Variants in TLN2 observed in about 807,000 individuals in gnomAD.
TLN2 encodes the protein talin 2.
Under a neutral mutation model 294.7 loss-of-function variants are expected in TLN2, and 118 were observed. The ratio of observed to expected loss-of-function variants is 0.40; its 90% CI spans 0.34 to 0.47. The LOEUF (loss-of-function observed/expected upper bound fraction) is 0.47. TLN2 is among the 20% of genes least tolerant of loss of function. TLN2 has a pLI of 0.84. For synonymous variants in TLN2, 1,431 were observed against 1,304.5 expected (o/e 1.10, Z -2.09); for missense variants, 3,083 against 3,282.2 (o/e 0.94, Z 1.48).
chr15:62,396,674 GA>G (rs1156539857), intron 1 of TLN2, among the ~76,000 whole-genome samples: 1 of 151,756 alleles, frequency 6.6e-6, no homozygotes, highest in African/African-American at 2.4e-5. Context: ...ACTGAAGGAA[GA>G]CCAACAGTGC....
chr15:62,439,019 A>G (rs1161869117), intron 1 of TLN2, among the ~76,000 whole-genome samples: 1 of 152,238 alleles, frequency 6.6e-6, no homozygotes, highest in Non-Finnish European at 1.5e-5. Context: ...TTAAAAGCTA[A>G]TTAGGGAAAA....
At chr15:62,521,397 G>A (rs1273932008) in intron 1 of TLN2, among the ~76,000 whole-genome samples, 1 of 152,304 alleles carries the variant, frequency 6.6e-6, no homozygotes, top group East Asian at 1.9e-4. Context: ...TGATATGAGT[G>A]ACCATGGCCT....
In TLN2 at chr15:62,819,511, T is replaced by G. The variant is rs771260661; in HGVS notation, c.6772-5T>G. ...TCATGCCTCTGACTTGTTCTTCACCTGTAGATTCTTCAGAAACCAACCCCA... is the reference window on the plus strand; with the variant it reads ...TCATGCCTCTGACTTGTTCTTCACCGGTAGATTCTTCAGAAACCAACCCCA... On this transcript the variant is annotated splice_polypyrimidine_tract_variant and splice_region_variant and intron_variant, in intron 52 of 58. Coordinates refer to ENST00000636159, the MANE Select transcript of TLN2 (RefSeq NM_015059.3). 4 of 1,613,232 alleles carry G rather than the reference T, an allele frequency of 2.5e-6. No homozygotes were observed. Among genetic ancestry groups the G allele is most frequent in the Admixed American group, 3.3e-5 (2 of 60,028 alleles).
At position 62,841,021 on chromosome 15, in the gene TLN2, C is replaced by T. The variant is rs1028577428; in HGVS notation, c.*411C>T. On this transcript the variant is annotated 3_prime_UTR_variant, in exon 59 of 59. Transcript: ENST00000636159. ...ATCATTGACGTCATAGAATATTCTT[C>T]TTCCTCTCAGGAGAAGACGGAAGCT... is the stretch of plus-strand genomic sequence containing the variant. 6.5e-6 allele frequency: 1 copy of T among 154,916 alleles called. No homozygotes were observed. The highest frequency in any genetic ancestry group is 6.5e-5 in the Admixed American group (1 of 15,368). 9.6% of individuals were successfully genotyped at this position (154,916 alleles called of 1,614,324 possible). A position where few individuals can be genotyped will look rare whatever the true frequency, so the allele number is the denominator to read the frequency against.
chr15:62,649,889 G>A, intron 4 of TLN2, 195 bp from the exon 5 acceptor site: 1 of 541,102 alleles, frequency 1.8e-6, no homozygotes, highest in Non-Finnish European at 3.3e-6. Context: ...TGTGGGTGTT[G>A]CTTCTGCAAC....
chr15:62,779,561 A>G (rs1431364930), intron 43 of TLN2, among the ~76,000 whole-genome samples: 1 of 152,208 alleles, frequency 6.6e-6, no homozygotes, highest in Non-Finnish European at 1.5e-5. Context: ...AGACTAGTTA[A>G]AGGTTCTTTG....
chr15:62,805,455 T>C (rs2066212794), intron 50 of TLN2, 145 bp from the exon 51 acceptor site: 3 of 808,354 alleles, frequency 3.7e-6, no homozygotes, highest in Non-Finnish European at 5.6e-6. Flanking sequence ...ATTACTGTAC[T>C]CAAATTTCTA....
intron 1 of TLN2, among the ~76,000 whole-genome samples, chr15:62,470,369 C>G (rs1193026878): frequency 2.0e-5 from 3 of 152,240 alleles, no homozygotes; most frequent in Admixed American, 1.3e-4. Context: ...CTGGCTTATG[C>G]TCAGGCATTA....
chr15:62,667,970 T>G (rs1454800963), intron 9 of TLN2, among the ~76,000 whole-genome samples: 4 of 152,210 alleles, frequency 2.6e-5, no homozygotes, highest in Non-Finnish European at 4.4e-5. Context: ...GAAAATACTG[T>G]GTGATCTCAC....
At chr15:62,499,088 T>G (rs932139873) in intron 1 of TLN2, among the ~76,000 whole-genome samples, 1 of 148,282 alleles carries the variant, frequency 6.7e-6, no homozygotes, top group African/African-American at 2.6e-5. Context: ...GATGACAGAA[T>G]TTTTTTTTTC....
intron 15 of TLN2, among the ~76,000 whole-genome samples, chr15:62,698,323 C>T (rs1039239063): frequency 6.6e-6 from 1 of 152,212 alleles, no homozygotes; most frequent in African/African-American, 2.4e-5. Context: ...AGCTCAGGAA[C>T]AACACTTGTC....
intron 24 of TLN2, among the ~76,000 whole-genome samples, chr15:62,718,045 G>A (rs754007663): frequency 2.6e-5 from 4 of 152,128 alleles, no homozygotes; most frequent in South Asian, 4.1e-4. Flanking sequence ...ATTCAGCCTC[G>A]CTCCCTGGAG....
chr15:62,414,163 A>C lies in TLN2; in HGVS notation c.-238+23478A>C, dbSNP rs1248581886. Among the ~76,000 whole-genome samples, 16 of 37,368 alleles carry C rather than the reference A, an allele frequency of 4.3e-4. 1 individual carries two copies. The highest frequency in any genetic ancestry group is 1.1e-3 in the African/African-American group (16 of 14,794). The allele number at this position is 37,368 out of a possible 152,430, so 24.5% of individuals were successfully genotyped here. On this transcript the variant is annotated intron_variant, in intron 1 of 58. Coordinates refer to ENST00000636159, the MANE Select transcript of TLN2 (RefSeq NM_015059.3). ...CAGTGAAGTGTTAGCAAAAAAAAAA[A>C]CTATATATATATATATATATATATA...
chr15:62,692,373 C>G (rs1043529546), intron 12 of TLN2, among the ~76,000 whole-genome samples: 35 of 152,202 alleles, frequency 2.3e-4, no homozygotes, highest in African/African-American at 8.2e-4. Context: ...CTGGGAGGGT[C>G]TGAGGTTTCC....
intron 32 of TLN2, among the ~76,000 whole-genome samples, chr15:62,747,402 G>T (rs192837765): frequency 3.3e-5 from 5 of 152,122 alleles, no homozygotes; most frequent in African/African-American, 9.7e-5. Flanking sequence ...TAATTTTGTG[G>T]TCGCTTTTGG....
At chr15:62,407,538 A>AG (rs1440853442) in intron 1 of TLN2, among the ~76,000 whole-genome samples, 1 of 152,148 alleles carries the variant, frequency 6.6e-6, no homozygotes, top group East Asian at 1.9e-4. Context: ...CATAATTTAG[A>AG]GGGGAAAAAC....
At chr15:62,443,807 A>G (rs1052487726) in intron 1 of TLN2, among the ~76,000 whole-genome samples, 1 of 152,090 alleles carries the variant, frequency 6.6e-6, no homozygotes, top group Non-Finnish European at 1.5e-5. Context: ...TTTGAGATCA[A>G]CCTTGGTAAC....
At chr15:62,504,011 T>TA (rs1415433677) in intron 1 of TLN2, among the ~76,000 whole-genome samples, 1 of 152,202 alleles carries the variant, frequency 6.6e-6, no homozygotes, top group African/African-American at 2.4e-5. Flanking sequence ...TTGAGCCTTT[T>TA]AAAAAAATCA....
At chr15:62,461,416 G>T (rs1166709814) in intron 1 of TLN2, among the ~76,000 whole-genome samples, 4 of 152,154 alleles carry the variant, frequency 2.6e-5, no homozygotes, top group Non-Finnish European at 5.9e-5. Context: ...TTACGTACCT[G>T]TTCTTCTGTA....
Sources: gnomAD v4.1 joint callset for allele counts (sites outside exome capture counted in the v4.1 genomes callset) on GRCh38, gnomAD v4.1.1 for gene constraint, MANE v1.5 for transcripts, NCBI Gene and HGNC (gene_info 2026-07-23, HGNC 2026-07-21) for gene names.